The following PALLD variants were observed in gnomAD, a reference collection of about 807,000 sequenced individuals.
PALLD encodes palladin, cytoskeletal associated protein.
PALLD carries 61 observed loss-of-function variants against 123.5 expected under a neutral mutation model. The observed-to-expected ratio is 0.49, with a 90% CI of 0.40 to 0.61. The LOEUF is 0.61. Among genes scored for constraint, PALLD ranks in the 20% least tolerant of loss-of-function variants. PALLD has a pLI of 0.00. For missense variants in PALLD, 1,273 were observed against 1,377.0 expected, an observed-to-expected ratio of 0.92 and a Z score of 1.20; for synonymous variants, 465 against 496.4, an observed-to-expected ratio of 0.94 and a Z score of 0.84.
Position 168,625,502 on chromosome 4 carries a change from G to GATAGATAGATAGATATATATATATAT in PALLD, c.909-42685_909-42684insGATAGATAGATATATATATATATATA. The stretch of plus-strand genomic sequence containing the variant: ...TCCAATAAGGGATTAATATCCAGGA[G>GATAGATAGATAGATATATATATATAT]ATATATATATATATATCCTATAAGG... On this transcript the variant is annotated intron_variant, in intron 2 of 21. Transcript: ENST00000505667. 1.2e-4 allele frequency among the ~76,000 whole-genome samples: 14 copies of GATAGATAGATAGATATATATATATAT among 114,466 alleles called. 1 individual carries two copies. Among genetic ancestry groups the GATAGATAGATAGATATATATATATAT allele is most frequent in the African/African-American group, 2.7e-4 (8 of 30,030 alleles). 75.1% of individuals were successfully genotyped at this position (114,466 alleles called of 152,430 possible). A position where few individuals can be genotyped will look rare whatever the true frequency, so the allele number is the denominator to read the frequency against.
intron 10 of PALLD, among the ~76,000 whole-genome samples, chr4:168,746,970 A>G (rs1730412719): frequency 6.6e-6 from 1 of 152,186 alleles, no homozygotes. Flanking sequence ...GTCCAGAGAA[A>G]TTTATTCCTG....
At chr4:168,770,934 C>G (rs13152269) in intron 10 of PALLD, among the ~76,000 whole-genome samples, 49,708 of 151,922 alleles carry the variant, frequency 0.33, 9,010 homozygotes, top group Non-Finnish European at 0.42. Flanking sequence ...GGAGCGGGCA[C>G]TTGTAGTCCC....
chr4:168,894,845 C>T, intron 12 of PALLD, 168 bp downstream of exon 12: 3 of 1,076,048 alleles, frequency 2.8e-6, no homozygotes, highest in Non-Finnish European at 4.0e-6. Context: ...TTATTGAGCA[C>T]ATACTATGTT....
At chr4:168,790,995 G>A (rs967124642) in intron 10 of PALLD, among the ~76,000 whole-genome samples, 2 of 152,090 alleles carry the variant, frequency 1.3e-5, no homozygotes, top group African/African-American at 4.8e-5. Context: ...TATAGACTTT[G>A]TATATTCTTA....
chr4:168,542,764 G>GA (rs1765765233), intron 2 of PALLD, among the ~76,000 whole-genome samples: 1 of 80,034 alleles, frequency 1.2e-5, no homozygotes, highest in Non-Finnish European at 2.5e-5. Context: ...ATATATATAT[G>GA]GAGAGAAAGA....
chr4:168,534,756 C>T (rs1383730544), intron 2 of PALLD, among the ~76,000 whole-genome samples: 1 of 152,126 alleles, frequency 6.6e-6, no homozygotes, highest in Non-Finnish European at 1.5e-5. Context: ...TCATGACAGC[C>T]ACAGGGGCAC....
chr4:168,798,435 T>C (rs6846495), intron 10 of PALLD, among the ~76,000 whole-genome samples: 3,987 of 152,268 alleles, frequency 0.026, 158 homozygotes, highest in African/African-American at 0.089. Context: ...TTATCATTTC[T>C]TATAAAGTTT....
chr4:168,542,660 T>TCG (rs1270312780), intron 2 of PALLD, among the ~76,000 whole-genome samples: 1,252 of 67,370 alleles, frequency 0.019, 19 homozygotes, highest in Middle Eastern at 0.061. Context: ...TATGTAAAGC[T>TCG]CTCTCTCTCT....
Position 168,670,208 on chromosome 4 carries a change from T to G in PALLD, c.1087+1840T>G, listed in dbSNP as rs547915415. The stretch of plus-strand genomic sequence containing the variant: ...GCACTTTTAAATGAAATTCTTTATT[T>G]GCTTGCAAGATTGCTAGAAATATGA... On this transcript the variant is annotated intron_variant, in intron 3 of 21. Coordinates refer to ENST00000505667, the MANE Select transcript of PALLD (RefSeq NM_001166108.2). 7.7e-4 allele frequency among the ~76,000 whole-genome samples: 118 copies of G among 152,358 alleles called. 1 individual carries two copies. The South Asian group carries it at 0.024, about 32-fold the overall frequency.
chr4:168,871,927 C>A (rs1751136008), intron 10 of PALLD, among the ~76,000 whole-genome samples: 1 of 152,152 alleles, frequency 6.6e-6, no homozygotes, highest in African/African-American at 2.4e-5. Flanking sequence ...CCAAAGTGAC[C>A]ATTTACCCCA....
chr4:168,553,683 A>G (rs992839180), intron 2 of PALLD, among the ~76,000 whole-genome samples: 1 of 148,178 alleles, frequency 6.7e-6, no homozygotes, highest in Non-Finnish European at 1.5e-5. Context: ...ATGTTTACCC[A>G]TTTTTGTTGT....
intron 3 of PALLD, among the ~76,000 whole-genome samples, chr4:168,679,180 GGT>G (rs534084307): frequency 1.9e-4 from 23 of 118,946 alleles, no homozygotes; most frequent in African/African-American, 5.8e-4. Flanking sequence ...TGTGTGGTGG[GGT>G]GTGTGTGTGG....
intron 2 of PALLD, among the ~76,000 whole-genome samples, chr4:168,609,697 T>C (rs1410578805): frequency 6.6e-6 from 1 of 152,162 alleles, no homozygotes; most frequent in African/African-American, 2.4e-5. Flanking sequence ...GAGTAAAAGG[T>C]GGGCTCCTGT....
At chr4:168,742,607 T>C (rs1788463766) in intron 10 of PALLD, among the ~76,000 whole-genome samples, 1 of 152,220 alleles carries the variant, frequency 6.6e-6, no homozygotes, top group African/African-American at 2.4e-5. Context: ...CTCCAGATAC[T>C]AAGTTATTAG....
chr4:168,539,500 A>G (rs984123445), intron 2 of PALLD, among the ~76,000 whole-genome samples: 5 of 152,100 alleles, frequency 3.3e-5, no homozygotes, highest in Non-Finnish European at 7.3e-5. Flanking sequence ...AGGCAGGAGA[A>G]TCGCTTGAAC....
At chr4:168,531,651 G>A (rs1451244065) in intron 2 of PALLD, among the ~76,000 whole-genome samples, 3 of 152,204 alleles carry the variant, frequency 2.0e-5, no homozygotes, top group African/African-American at 7.2e-5. Context: ...GGAATACTCA[G>A]TGAAAAATCA....
intron 11 of PALLD, among the ~76,000 whole-genome samples, chr4:168,893,085 G>C (rs1426329167): frequency 6.6e-6 from 1 of 152,128 alleles, no homozygotes; most frequent in African/African-American, 2.4e-5. Flanking sequence ...GGCTTCTAGT[G>C]GTAGCAGGTG....
In PALLD at chr4:168,515,860, G is replaced by A. The variant is rs1762939464; in HGVS notation, c.908+3448G>A. On this transcript the variant is annotated intron_variant, in intron 2 of 21. Coordinates refer to ENST00000505667, the MANE Select transcript of PALLD (RefSeq NM_001166108.2). ...TGCCTGGGCTACTAAGCAGCTGGCT[G>A]GAGCTTAGATTAAACAACAGAGATT... Among the ~76,000 whole-genome samples the A allele has an allele frequency of 1.4e-5, 2 of 142,574 alleles. 1 individual carries two copies. Among genetic ancestry groups the A allele is most frequent in the South Asian group, 4.3e-4 (2 of 4,600 alleles). The allele number at this position is 142,574 out of a possible 152,430, so 93.5% of individuals were successfully genotyped here. A position where few individuals can be genotyped will look rare whatever the true frequency, so the allele number is the denominator to read the frequency against.
intron 2 of PALLD, among the ~76,000 whole-genome samples, chr4:168,616,119 T>C (rs1000597317): frequency 6.6e-6 from 1 of 152,124 alleles, no homozygotes; most frequent in African/African-American, 2.4e-5. Context: ...TTTAATTTTG[T>C]GACCAAAAAA....
Sources: allele counts gnomAD v4.1 joint callset (sites outside exome capture counted in the v4.1 genomes callset), GRCh38; gene constraint gnomAD v4.1.1; transcripts MANE v1.5; gene names NCBI Gene and HGNC (gene_info 2026-07-23, HGNC 2026-07-21).